EHMT1: variants seen among roughly 807,000 people sequenced by gnomAD.
The protein encoded by EHMT1 is euchromatic histone lysine methyltransferase 1.
Under a neutral mutation model 147.2 loss-of-function variants are expected in EHMT1, and 15 were observed. That is an observed-to-expected ratio of 0.10 (90% CI 0.07 to 0.16). The LOEUF (loss-of-function observed/expected upper bound fraction) is 0.16, where lower values mean the gene tolerates loss of function less well. Among genes scored for constraint, EHMT1 ranks in the 10% least tolerant of loss-of-function variants. The probability of loss-of-function intolerance (pLI) is 1.00; values close to 1 mark genes in which losing one functional copy is unlikely to be tolerated. For synonymous variants in EHMT1, 795 were observed against 709.6 expected, an observed-to-expected ratio of 1.12 and a Z score of -1.91; for missense variants, 1,587 against 1,772.4, an observed-to-expected ratio of 0.90 and a Z score of 1.88.
intron 25 of EHMT1, among the ~76,000 whole-genome samples, chr9:137,825,902 T>A (rs1955781481): frequency 6.6e-6 from 1 of 152,168 alleles, no homozygotes; most frequent in African/African-American, 2.4e-5. Flanking sequence ...GATGCTGTTG[T>A]GCAGGCGTCG....
intron 13 of EHMT1, among the ~76,000 whole-genome samples, chr9:137,779,017 G>A (rs1195459353): frequency 3.9e-5 from 6 of 152,164 alleles, no homozygotes. Context: ...GGGGAGGGAT[G>A]ACACTAAGCC....
chr9:137,784,256 A>C, intron 15 of EHMT1: 1 of 1,516,494 alleles, frequency 6.6e-7, no homozygotes, highest in Non-Finnish European at 8.9e-7. Context: ...CACAGGGAGC[A>C]GGTCCATTCC....
chr9:137,834,510 C>T lies in EHMT1; in HGVS notation c.3702C>T (p.Ala1234=), dbSNP rs763758173. 2.4e-5 allele frequency: 39 copies of T among 1,611,082 alleles called. No homozygotes were observed. Among genetic ancestry groups the T allele is most frequent in the Non-Finnish European group, 3.1e-5 (37 of 1,179,724 alleles). ...TCTTCAGCACCCGCCTGATCGAGGC[C>T]GGCGAGCAGCTCGGGTACGCACCGC... ...IAFFSTRLIE[A]GEQLGFDYGE... Residue 1234 remains alanine (A), a synonymous_variant, in exon 26 of 27, where the codon GCC becomes GCT. Transcript: ENST00000460843.
intron 3 of EHMT1, 146 bp from the exon 4 acceptor site, chr9:137,728,203 G>A (rs183233814): frequency 1.6e-5 from 19 of 1,187,328 alleles, no homozygotes; most frequent in East Asian, 4.8e-5. Context: ...TGCTGTTTCC[G>A]CTTGCAGACT....
intron 1 of EHMT1, chr9:137,620,064 C>T (rs1013037620): frequency 6.6e-6 from 1 of 152,176 alleles, no homozygotes; most frequent in African/African-American, 2.4e-5. Context: ...TGTATTTTAA[C>T]TCAGGTAATG....
In EHMT1 at chr9:137,782,754, G is replaced by C. The variant is rs1951663398; in HGVS notation, c.2382+357G>C. Reference sequence around the variant, plus strand: ...AGCCCCGTTGACTGGCTCCCATTTTGTTTAGATCAGATCGTGTGAGCATTT... The same window carrying C: ...AGCCCCGTTGACTGGCTCCCATTTTCTTTAGATCAGATCGTGTGAGCATTT... On this transcript the variant is annotated intron_variant, in intron 15 of 26. Coordinates refer to ENST00000460843, the MANE Select transcript of EHMT1 (RefSeq NM_024757.5). This position sits in a 1 kb window ranked among gnomAD's most constrained non-coding sequence, Gnocchi z 5.7. Among the ~76,000 whole-genome samples, 1 of 152,150 alleles carries C rather than the reference G, an allele frequency of 6.6e-6. No individual in the cohort carries two copies. The highest frequency in any genetic ancestry group is 2.1e-4 in the South Asian group (1 of 4,826).
At chr9:137,711,134 C>A in intron 2 of EHMT1, 104 bp downstream of exon 2, 1 of 1,248,616 alleles carries the variant, frequency 8.0e-7, no homozygotes, top group Non-Finnish European at 1.1e-6. Flanking sequence ...ACTTTCTTTG[C>A]TTCACCTAGG....
intron 1 of EHMT1, among the ~76,000 whole-genome samples, chr9:137,634,398 T>C (rs923206683): frequency 4.5e-4 from 69 of 152,218 alleles, no homozygotes; most frequent in African/African-American, 1.6e-3. Context: ...GAAAAGACCA[T>C]GCTTTCCCCA....
chr9:137,702,400 A>G (rs1943913663), intron 1 of EHMT1, among the ~76,000 whole-genome samples: 1 of 152,200 alleles, frequency 6.6e-6, no homozygotes, highest in South Asian at 2.1e-4. Flanking sequence ...TCCAAAAGGG[A>G]AAAATTGACC....
intron 1 of EHMT1, among the ~76,000 whole-genome samples, chr9:137,678,560 A>G (rs1941616069): frequency 6.6e-6 from 1 of 152,048 alleles, no homozygotes; most frequent in Admixed American, 6.6e-5. Context: ...AGCCTCACTC[A>G]CCTGGGATGA....
chr9:137,677,139 GT>G lies in EHMT1; in HGVS notation c.22-33816del, dbSNP rs879325275. 2.1e-4 allele frequency among the ~76,000 whole-genome samples: 31 copies of G among 146,138 alleles called. 1 individual carries two copies. In the South Asian group the frequency reaches 3.9e-3, roughly 18 times the overall value. ...TTGTCACAGCCAGCCACTGACTGGA[GT>G]TTTTTTTTTTTAAGACAGAGTTTCG... On this transcript the variant is annotated intron_variant, in intron 1 of 26. Transcript: ENST00000460843.
At chr9:137,677,847 A>G (rs1193871139) in intron 1 of EHMT1, among the ~76,000 whole-genome samples, 3 of 151,834 alleles carry the variant, frequency 2.0e-5, no homozygotes, top group Non-Finnish European at 4.4e-5. Flanking sequence ...TCACGAAGTC[A>G]GGAGATTGAG....
chr9:137,814,617 A>G (rs1588862615), intron 22 of EHMT1, 109 bp downstream of exon 22: 1 of 1,306,912 alleles, frequency 7.7e-7, no homozygotes, highest in Non-Finnish European at 1.1e-6. Context: ...CAGCGTCGGG[A>G]AGGAGTTGGA....
In EHMT1 at chr9:137,634,172, A is replaced by C. The variant is rs114126658; in HGVS notation, c.21+15123A>C. ...ACAGATGTTTTTAATTTTTGATGAA[A>C]TCCACCTTCTTGTTTTCCAGTTGGT... On this transcript the variant is annotated intron_variant, in intron 1 of 26. Transcript: ENST00000460843. Among the ~76,000 whole-genome samples the C allele has an allele frequency of 8.4e-3, 1,274 of 152,128 alleles. 32 individuals carry two copies. Among genetic ancestry groups the C allele is most frequent in the African/African-American group, 0.029 (1,204 of 41,492 alleles).
intron 2 of EHMT1, among the ~76,000 whole-genome samples, chr9:137,711,321 T>C (rs771397839): frequency 6.6e-6 from 1 of 152,220 alleles, no homozygotes; most frequent in Non-Finnish European, 1.5e-5. Context: ...CAAATGTTTA[T>C]AGCAGCATTG....
chr9:137,703,317 C>T (rs1943992026), intron 1 of EHMT1, among the ~76,000 whole-genome samples: 2 of 152,212 alleles, frequency 1.3e-5, no homozygotes, highest in South Asian at 2.1e-4. Context: ...TGGCTTGAAC[C>T]CCTTCCCTGA....
intron 18 of EHMT1, 99 bp from the exon 19 acceptor site, chr9:137,811,362 G>T: frequency 3.2e-6 from 5 of 1,562,432 alleles, no homozygotes; most frequent in East Asian, 2.2e-5. Flanking sequence ...ATGCTCCAGA[G>T]CCTCTCCCCG....
At chr9:137,817,895 G>T in intron 24 of EHMT1, 165 bp from the exon 25 acceptor site, 1 of 719,178 alleles carries the variant, frequency 1.4e-6, no homozygotes. Context: ...CGGACCCTCA[G>T]CTGAAACCCC....
At chr9:137,684,360 A>C (rs1224638099) in intron 1 of EHMT1, among the ~76,000 whole-genome samples, 1 of 152,070 alleles carries the variant, frequency 6.6e-6, no homozygotes, top group Non-Finnish European at 1.5e-5. Flanking sequence ...AATAATTTCA[A>C]CTGAATAGAA....
Sources: allele counts gnomAD v4.1 joint callset (sites outside exome capture counted in the v4.1 genomes callset), GRCh38; gene constraint gnomAD v4.1.1; non-coding constraint Gnocchi (gnomAD v3.1); transcripts MANE v1.5; gene names NCBI Gene and HGNC (gene_info 2026-07-23, HGNC 2026-07-21).